KCNIP4: variants seen among roughly 807,000 people sequenced by gnomAD.
KCNIP4 encodes Kv channel-interacting protein 4.
A neutral mutation model predicts 34.0 loss-of-function variants in KCNIP4; 12 were observed. The ratio of observed to expected loss-of-function variants is 0.35; its 90% CI spans 0.23 to 0.57. The LOEUF (loss-of-function observed/expected upper bound fraction) is 0.57, where lower values mean the gene tolerates loss of function less well. Ranked by LOEUF, KCNIP4 falls within the 20% of genes least tolerant of loss-of-function variation. The probability of loss-of-function intolerance (pLI) is 0.83; values close to 1 mark genes in which losing one functional copy is unlikely to be tolerated. For missense variants in KCNIP4, 238 were observed against 311.7 expected (o/e 0.76, Z 1.78); for synonymous variants, 124 against 102.2 (o/e 1.21, Z -1.29).
intron 1 of KCNIP4, among the ~76,000 whole-genome samples, chr4:20,951,662 T>C (rs546291051): frequency 6.6e-6 from 1 of 152,304 alleles, no homozygotes; most frequent in East Asian, 1.9e-4. Flanking sequence ...TCTGTACAAT[T>C]GAGACCTAAC....
chr4:20,888,069 G>A (rs997557331), intron 1 of KCNIP4, among the ~76,000 whole-genome samples: 3 of 151,698 alleles, frequency 2.0e-5, no homozygotes, highest in Non-Finnish European at 2.9e-5. Flanking sequence ...AGATACAAGG[G>A]AAGCAGTAAA....
intron 1 of KCNIP4, among the ~76,000 whole-genome samples, chr4:21,796,289 A>G (rs2044804): frequency 0.35 from 52,549 of 151,920 alleles, 10,768 homozygotes; most frequent in Non-Finnish European, 0.48. Context: ...CCAACCTTTC[A>G]TTCTCCAAAA....
chr4:21,879,380 G>T (rs1186378677), intron 1 of KCNIP4, among the ~76,000 whole-genome samples: 1 of 152,178 alleles, frequency 6.6e-6, no homozygotes, highest in Admixed American at 6.5e-5. Context: ...TCCTCTCCCT[G>T]TCAGAGGCCG....
At chr4:21,847,954 C>T (rs1370389036) in intron 1 of KCNIP4, 3 of 152,038 alleles carry the variant, frequency 2.0e-5, no homozygotes, top group Non-Finnish European at 4.4e-5. Flanking sequence ...AGAACCATTG[C>T]AACACGCTGG....
At chr4:20,929,151 A>T (rs1437414689) in intron 1 of KCNIP4, among the ~76,000 whole-genome samples, 1 of 151,904 alleles carries the variant, frequency 6.6e-6, no homozygotes, top group Non-Finnish European at 1.5e-5. Flanking sequence ...TAGCAAACAA[A>T]ATTCAACATC....
chr4:21,519,711 T>C (rs1282428110), intron 1 of KCNIP4, among the ~76,000 whole-genome samples: 4 of 138,666 alleles, frequency 2.9e-5, no homozygotes, highest in African/African-American at 1.1e-4. Context: ...TGTATGTATG[T>C]GTATATATAC....
At chr4:21,740,232 A>C (rs577528901) in intron 1 of KCNIP4, among the ~76,000 whole-genome samples, 16 of 152,280 alleles carry the variant, frequency 1.1e-4, no homozygotes, top group Admixed American at 3.9e-4. Context: ...ATGGTTTTCA[A>C]TACTTAAATA....
chr4:21,658,313 G>A (rs1332771956), intron 1 of KCNIP4, among the ~76,000 whole-genome samples: 1 of 152,178 alleles, frequency 6.6e-6, no homozygotes, highest in African/African-American at 2.4e-5. Flanking sequence ...CTAACTTGGA[G>A]AAGCCTTCCA....
chr4:21,866,762 A>ATTTTTTTTTT (rs770568451), intron 1 of KCNIP4, among the ~76,000 whole-genome samples: 21 of 82,726 alleles, frequency 2.5e-4, no homozygotes, highest in East Asian at 4.1e-4. Flanking sequence ...TTCAGCCTGG[A>ATTTTTTTTTT]TTTTTTTTTT....
chr4:21,035,575 T>G (rs28537308), intron 1 of KCNIP4, among the ~76,000 whole-genome samples: 3,761 of 152,266 alleles, frequency 0.025, 148 homozygotes, highest in African/African-American at 0.085. Flanking sequence ...CAACCAAAAA[T>G]TATGCCATTT....
At chr4:21,354,753 A>C (rs985557254) in intron 1 of KCNIP4, among the ~76,000 whole-genome samples, 2 of 152,182 alleles carry the variant, frequency 1.3e-5, no homozygotes, top group African/African-American at 4.8e-5. Context: ...ACAGAAGATT[A>C]ACAAGGATAT....
At chr4:21,147,242 A>G (rs1462439030) in intron 1 of KCNIP4, among the ~76,000 whole-genome samples, 1 of 151,786 alleles carries the variant, frequency 6.6e-6, no homozygotes, top group East Asian at 1.9e-4. Context: ...TATCTACCCG[A>G]TGCCCCCACC....
At chr4:21,182,502 A>C (rs1177510091) in intron 1 of KCNIP4, among the ~76,000 whole-genome samples, 1 of 150,684 alleles carries the variant, frequency 6.6e-6, no homozygotes, top group Non-Finnish European at 1.5e-5. Context: ...GTACAAGTAC[A>C]GTTTTGTTAC....
chr4:21,223,374 T>A (rs973235415), intron 1 of KCNIP4, among the ~76,000 whole-genome samples: 1 of 152,216 alleles, frequency 6.6e-6, no homozygotes, highest in Non-Finnish European at 1.5e-5. Flanking sequence ...CTAGCTTATT[T>A]TAGACTTCTG....
chr4:21,726,683 C>A (rs930836931), intron 1 of KCNIP4, among the ~76,000 whole-genome samples: 1 of 152,160 alleles, frequency 6.6e-6, no homozygotes, highest in African/African-American at 2.4e-5. Flanking sequence ...TATCACTCTG[C>A]ACTGTAATTG....
At chr4:21,396,165 T>C (rs1440496913) in intron 1 of KCNIP4, among the ~76,000 whole-genome samples, 1 of 151,784 alleles carries the variant, frequency 6.6e-6, no homozygotes, top group East Asian at 1.9e-4. Context: ...AGTCTATATA[T>C]ACATATATAG....
At chr4:21,695,635 C>G (rs1712228572) in intron 1 of KCNIP4, among the ~76,000 whole-genome samples, 1 of 152,084 alleles carries the variant, frequency 6.6e-6, no homozygotes. Context: ...CAACCACTTA[C>G]CATTTTCGTA....
intron 2 of KCNIP4, among the ~76,000 whole-genome samples, chr4:20,875,159 G>A (rs1044272654): frequency 6.6e-6 from 1 of 152,046 alleles, no homozygotes; most frequent in Non-Finnish European, 1.5e-5. Flanking sequence ...TATGTGCTGT[G>A]TATGACGGTC....
chr4:21,239,941 A>C (rs1353212669), intron 1 of KCNIP4, among the ~76,000 whole-genome samples: 7 of 152,144 alleles, frequency 4.6e-5, no homozygotes, highest in Non-Finnish European at 8.8e-5. Context: ...TTATTGCAGC[A>C]CTATTCACAA....
Sources: gnomAD v4.1 joint callset for allele counts (sites outside exome capture counted in the v4.1 genomes callset) on GRCh38, gnomAD v4.1.1 for gene constraint, MANE v1.5 for transcripts, NCBI Gene and HGNC (gene_info 2026-07-23, HGNC 2026-07-21) for gene names.